MEOX2: variants seen among roughly 807,000 people sequenced by gnomAD.
MEOX2 encodes mesenchyme homeobox 2.
Under a neutral mutation model 27.0 loss-of-function variants are expected in MEOX2, and 11 were observed. The ratio of observed to expected loss-of-function variants is 0.41; its 90% CI spans 0.26 to 0.68. The LOEUF (loss-of-function observed/expected upper bound fraction) is 0.68. Ranked by LOEUF, MEOX2 falls within the 30% of genes least tolerant of loss-of-function variation. The probability of loss-of-function intolerance (pLI) is 0.33; values close to 1 mark genes in which losing one functional copy is unlikely to be tolerated. For missense variants in MEOX2, 436 were observed against 385.4 expected, an observed-to-expected ratio of 1.13 and a Z score of -1.10; for synonymous variants, 189 against 155.4, an observed-to-expected ratio of 1.22 and a Z score of -1.61.
chr7:15,646,458 T>A (rs573905637), intron 1 of MEOX2, among the ~76,000 whole-genome samples: 29 of 152,152 alleles, frequency 1.9e-4, no homozygotes, highest in African/African-American at 7.0e-4. Context: ...GAGATCCTCT[T>A]TGTAACATAC....
intron 1 of MEOX2, chr7:15,679,460 A>T (rs1782258382): frequency 6.6e-6 from 1 of 152,144 alleles, no homozygotes; most frequent in African/African-American, 2.4e-5. Flanking sequence ...AAAGCTTATG[A>T]ACACAAACAG....
intron 1 of MEOX2, among the ~76,000 whole-genome samples, chr7:15,660,041 T>C (rs373032184): frequency 6.6e-6 from 1 of 152,110 alleles, no homozygotes; most frequent in Admixed American, 6.5e-5. Flanking sequence ...TATAATATCA[T>C]TGAGAGGAAA....
intron 1 of MEOX2, chr7:15,680,698 T>G (rs1782279835): frequency 6.6e-6 from 1 of 151,914 alleles, no homozygotes; most frequent in African/African-American, 2.4e-5. Flanking sequence ...ACAAAACATG[T>G]ATGTCAGTAA....
chr7:15,676,238 T>A (rs1782190239), intron 1 of MEOX2: 1 of 152,198 alleles, frequency 6.6e-6, no homozygotes, highest in African/African-American at 2.4e-5. Context: ...AACAAACAAA[T>A]AATTAAAATA....
At chr7:15,640,773 C>A (rs917940803) in intron 1 of MEOX2, among the ~76,000 whole-genome samples, 5 of 152,008 alleles carry the variant, frequency 3.3e-5, no homozygotes, top group African/African-American at 1.2e-4. Context: ...TCTGCATCTA[C>A]TGAGATTATC....
intron 1 of MEOX2, among the ~76,000 whole-genome samples, chr7:15,657,754 T>A (rs986821825): frequency 6.6e-6 from 1 of 152,232 alleles, no homozygotes; most frequent in Non-Finnish European, 1.5e-5. Flanking sequence ...TAGATTTACC[T>A]AGTTATTGGT....
rs1337327358 is a variant in MEOX2 at position 15,611,789 on chromosome 7, A to G, written c.*598T>C. Reference sequence around the variant, plus strand: ...TGTGAGTGCCTATTTTCATCAGCTAATATGAATGCATTGCTAAATTAGTGA... The same window carrying G: ...TGTGAGTGCCTATTTTCATCAGCTAGTATGAATGCATTGCTAAATTAGTGA... On this transcript the variant is annotated 3_prime_UTR_variant, in exon 3 of 3. Coordinates refer to ENST00000262041, the MANE Select transcript of MEOX2 (RefSeq NM_005924.5). 1 of 153,348 alleles carries G rather than the reference A, an allele frequency of 6.5e-6. No homozygotes were observed. The highest frequency in any genetic ancestry group is 1.5e-5 in the Non-Finnish European group (1 of 68,602). The allele number at this position is 153,348 out of a possible 1,614,324, so 9.5% of individuals were successfully genotyped here. A position where few individuals can be genotyped will look rare whatever the true frequency, so the allele number is the denominator to read the frequency against.
At chr7:15,666,735 GAGCA>G (rs1271883432) in intron 1 of MEOX2, among the ~76,000 whole-genome samples, 1 of 102,670 alleles carries the variant, frequency 9.7e-6, no homozygotes, top group African/African-American at 4.3e-5. Context: ...GTGGGCAACA[GAGCA>G]AGACTCTGTC....
chr7:15,636,543 C>G (rs1291933735), intron 1 of MEOX2, among the ~76,000 whole-genome samples: 1 of 151,976 alleles, frequency 6.6e-6, no homozygotes, highest in African/African-American at 2.4e-5. Flanking sequence ...CAATCTCAGG[C>G]TGACGAATCT....
chr7:15,681,229 G>A (rs1242912685), intron 1 of MEOX2: 13 of 151,772 alleles, frequency 8.6e-5, no homozygotes, highest in Middle Eastern at 3.2e-3. Flanking sequence ...ATAAATTCCT[G>A]AGGTGAATAC....
chr7:15,637,129 T>C (rs1781491259), intron 1 of MEOX2, among the ~76,000 whole-genome samples: 2 of 152,044 alleles, frequency 1.3e-5, no homozygotes, highest in African/African-American at 4.8e-5. Flanking sequence ...GTCTGAAATG[T>C]TTTTTAAAAT....
At chr7:15,658,851 T>C (rs1309214508) in intron 1 of MEOX2, among the ~76,000 whole-genome samples, 1 of 152,206 alleles carries the variant, frequency 6.6e-6, no homozygotes, top group Non-Finnish European at 1.5e-5. Flanking sequence ...CCTCCAGAAC[T>C]GTGAGAAATA....
At chr7:15,681,465 ATTT>A (rs1782290456) in intron 1 of MEOX2, 1 of 150,534 alleles carries the variant, frequency 6.6e-6, no homozygotes, top group African/African-American at 2.4e-5. Flanking sequence ...ATAGATTTAC[ATTT>A]CTTAAGTGCA....
intron 1 of MEOX2, among the ~76,000 whole-genome samples, chr7:15,658,675 C>A (rs555321702): frequency 6.6e-6 from 1 of 152,210 alleles, no homozygotes; most frequent in African/African-American, 2.4e-5. Context: ...GGTAATAGGT[C>A]ACAAGACTGG....
intron 1 of MEOX2, among the ~76,000 whole-genome samples, chr7:15,683,975 G>A (rs1208796994): frequency 6.8e-6 from 1 of 146,582 alleles, no homozygotes; most frequent in Non-Finnish European, 1.5e-5. Flanking sequence ...CCACTAAGTT[G>A]GGGGGGAGAG....
At chr7:15,677,841 A>G (rs1255575673) in intron 1 of MEOX2, among the ~76,000 whole-genome samples, 1 of 152,240 alleles carries the variant, frequency 6.6e-6, no homozygotes, top group East Asian at 1.9e-4. Context: ...ATAATTAAGA[A>G]ATAGGATAAA....
rs1312983928 is a variant in MEOX2, at chr7:15,678,832, G to A, written c.517+7054C>T. The A allele has an allele frequency of 3.3e-5, 5 of 152,154 alleles. No homozygotes were observed. The East Asian group carries it at 9.6e-4, about 29-fold the overall frequency. 9.4% of individuals were successfully genotyped at this position (152,154 alleles called of 1,614,324 possible). A position where few individuals can be genotyped will look rare whatever the true frequency, so the allele number is the denominator to read the frequency against. On this transcript the variant is annotated intron_variant, in intron 1 of 2. Coordinates refer to ENST00000262041, the MANE Select transcript of MEOX2 (RefSeq NM_005924.5). ...GCTGGACCCTCCTCTAGGTTTTGCG[G>A]AGCCTGACAGATGATTTCACCTTAG...
chr7:15,658,701 G>A (rs62439053), intron 1 of MEOX2, among the ~76,000 whole-genome samples: 15,659 of 152,092 alleles, frequency 0.1, 960 homozygotes, highest in Middle Eastern at 0.23. Context: ...TGAGGAACAG[G>A]ATTTGCACCC....
At chr7:15,644,558 AGCACAGCC>A (rs1781614319) in intron 1 of MEOX2, among the ~76,000 whole-genome samples, 1 of 152,200 alleles carries the variant, frequency 6.6e-6, no homozygotes, top group Admixed American at 6.5e-5. Context: ...ACAGATCTGC[AGCACAGCC>A]TTTCCTGAGA....
Sources: allele counts gnomAD v4.1 joint callset (sites outside exome capture counted in the v4.1 genomes callset), GRCh38; gene constraint gnomAD v4.1.1; transcripts MANE v1.5; gene names NCBI Gene and HGNC (gene_info 2026-07-23, HGNC 2026-07-21).